MAPK8: variants seen among roughly 807,000 people sequenced by gnomAD.
The protein encoded by MAPK8 is JUN N-terminal kinase.
MAPK8 carries 13 observed loss-of-function variants against 52.9 expected under a neutral mutation model. That is an observed-to-expected ratio of 0.25 (90% CI 0.16 to 0.39). MAPK8 has a LOEUF of 0.39. MAPK8 is among the 10% of genes least tolerant of loss of function. MAPK8 has a pLI of 1.00. For missense variants in MAPK8, 300 were observed against 519.2 expected, an observed-to-expected ratio of 0.58 and a Z score of 4.10; for synonymous variants, 191 against 169.8, an observed-to-expected ratio of 1.12 and a Z score of -0.97.
intron 1 of MAPK8, among the ~76,000 whole-genome samples, chr10:48,320,304 C>T (rs371626248): frequency 5.9e-5 from 8 of 135,786 alleles, no homozygotes; most frequent in Non-Finnish European, 1.1e-4. Context: ...GTACCATGAT[C>T]GTGGCTCACT....
At chr10:48,343,696 C>T (rs970149479) in intron 1 of MAPK8, among the ~76,000 whole-genome samples, 1 of 152,096 alleles carries the variant, frequency 6.6e-6, no homozygotes, top group Admixed American at 6.5e-5. Flanking sequence ...TGTAGCTAGA[C>T]GTTGCAAGAT....
At chr10:48,413,340 T>C (rs1020389507) in intron 5 of MAPK8, among the ~76,000 whole-genome samples, 2 of 152,190 alleles carry the variant, frequency 1.3e-5, no homozygotes, top group African/African-American at 4.8e-5. Flanking sequence ...GGTCATTCTT[T>C]TTAACATTTT....
intron 1 of MAPK8, among the ~76,000 whole-genome samples, chr10:48,382,378 G>C (rs2132742616): frequency 6.6e-6 from 1 of 152,228 alleles, no homozygotes; most frequent in Non-Finnish European, 1.5e-5. Context: ...ATTAAGCTAT[G>C]AGCATTAATT....
intron 1 of MAPK8, among the ~76,000 whole-genome samples, chr10:48,318,259 G>A (rs1245132965): frequency 6.6e-6 from 1 of 152,092 alleles, no homozygotes; most frequent in Non-Finnish European, 1.5e-5. Flanking sequence ...GCCTACCCAC[G>A]GTATCAAGGA....
chr10:48,435,875 TCTA>T lies in MAPK8; in HGVS notation c.*850_*852del, dbSNP rs1173577027. On this transcript the variant is annotated 3_prime_UTR_variant, in exon 12 of 12. Transcript: ENST00000374189. ...AATGCAAATAAACAGATGGTTCACTTCTACTAGCTATGAGCCTGTTTTTGTATA... is the reference window on the plus strand; with the variant it reads ...AATGCAAATAAACAGATGGTTCACTTCTAGCTATGAGCCTGTTTTTGTATA... 1 of 152,262 alleles carries T rather than the reference TCTA, an allele frequency of 6.6e-6. No homozygotes were observed. Among genetic ancestry groups the T allele is most frequent in the Admixed American group, 6.5e-5 (1 of 15,292 alleles). The allele number at this position is 152,262 out of a possible 1,614,324, so 9.4% of individuals were successfully genotyped here.
chr10:48,337,939 C>G (rs534124519), intron 1 of MAPK8, among the ~76,000 whole-genome samples: 55 of 152,088 alleles, frequency 3.6e-4, no homozygotes, highest in African/African-American at 1.3e-3. Context: ...CGAGTTATAA[C>G]GTTGAATACA....
chr10:48,331,137 T>A (rs1056445849), intron 1 of MAPK8, among the ~76,000 whole-genome samples: 2 of 152,168 alleles, frequency 1.3e-5, no homozygotes, highest in Non-Finnish European at 2.9e-5. Flanking sequence ...CCATACATCA[T>A]CCCAGCTGGG....
intron 1 of MAPK8, among the ~76,000 whole-genome samples, chr10:48,367,809 A>G (rs1334211855): frequency 6.6e-6 from 1 of 152,216 alleles, no homozygotes; most frequent in Non-Finnish European, 1.5e-5. Context: ...ATAATGGCAT[A>G]TATTTGAACA....
chr10:48,377,501 T>G (rs1018512128), intron 1 of MAPK8, among the ~76,000 whole-genome samples: 1 of 152,112 alleles, frequency 6.6e-6, no homozygotes, highest in African/African-American at 2.4e-5. Flanking sequence ...GATGTGACTG[T>G]GGTGTGTGAG....
chr10:48,351,254 T>C (rs932199485), intron 1 of MAPK8, among the ~76,000 whole-genome samples: 1 of 148,588 alleles, frequency 6.7e-6, no homozygotes, highest in East Asian at 2.0e-4. Context: ...TTCACAGAAT[T>C]AGAAAAAATA....
At chr10:48,410,429 A>G (rs969982959) in intron 5 of MAPK8, 1 of 301,860 alleles carries the variant, frequency 3.3e-6, no homozygotes, top group South Asian at 1.6e-4. Flanking sequence ...TTTATATGAA[A>G]TACGGCGTGA....
At chr10:48,428,601 G>A (rs2043872663) in intron 10 of MAPK8, among the ~76,000 whole-genome samples, 1 of 152,180 alleles carries the variant, frequency 6.6e-6, no homozygotes, top group African/African-American at 2.4e-5. Flanking sequence ...GGAAACCCAT[G>A]GTTAGCAGAG....
chr10:48,356,012 T>C (rs2132480374), intron 1 of MAPK8, among the ~76,000 whole-genome samples: 1 of 152,304 alleles, frequency 6.6e-6, no homozygotes. Context: ...AGACAAAAAC[T>C]GAGCATTTGC....
intron 1 of MAPK8, among the ~76,000 whole-genome samples, chr10:48,328,780 A>C (rs1327849417): frequency 1.3e-5 from 2 of 152,244 alleles, no homozygotes; most frequent in African/African-American, 4.8e-5. Context: ...AAGACACTTT[A>C]ACTGTATCCA....
chr10:48,411,144 T>C (rs1198746081), intron 5 of MAPK8, among the ~76,000 whole-genome samples: 1 of 152,232 alleles, frequency 6.6e-6, no homozygotes, highest in Non-Finnish European at 1.5e-5. Context: ...TACAATTGTT[T>C]ATTTCATCAC....
intron 6 of MAPK8, among the ~76,000 whole-genome samples, chr10:48,422,614 C>G (rs746201228): frequency 4.6e-5 from 7 of 152,128 alleles, no homozygotes; most frequent in Non-Finnish European, 8.8e-5. Flanking sequence ...GTTTAACATT[C>G]TCTATAAAAT....
At chr10:48,408,019 G>A (rs940601576) in intron 3 of MAPK8, among the ~76,000 whole-genome samples, 1 of 152,034 alleles carries the variant, frequency 6.6e-6, no homozygotes, top group Non-Finnish European at 1.5e-5. Context: ...GCCCTTTCTG[G>A]TGTATTATTT....
intron 1 of MAPK8, among the ~76,000 whole-genome samples, chr10:48,337,482 T>A (rs1407271491): frequency 6.6e-6 from 1 of 152,090 alleles, no homozygotes; most frequent in Admixed American, 6.6e-5. Context: ...ATTTTAGTGC[T>A]AAATTCCTAC....
Position 48,425,964 on chromosome 10 carries a change from A to C in MAPK8, c.765A>C (p.Thr255=). The stretch of plus-strand genomic sequence containing the variant: ...AATTCATGAAGAAACTGCAACCAAC[A>C]GTAAGGACTTACGTTGAAAACAGAC... ...CPEFMKKLQP[T]VRTYVENRPK... is the part of the protein sequence containing the mutation. Residue 255 remains threonine (T), a synonymous_variant, in exon 8 of 12, where the codon ACA becomes ACC. Coordinates refer to ENST00000374189, the MANE Select transcript of MAPK8 (RefSeq NM_001323329.2). 7 of 1,613,090 alleles carry C rather than the reference A, an allele frequency of 4.3e-6. No homozygotes were observed. The highest frequency in any genetic ancestry group is 5.9e-6 in the Non-Finnish European group (7 of 1,179,288).
Sources: gnomAD v4.1 joint callset for allele counts (sites outside exome capture counted in the v4.1 genomes callset) on GRCh38, gnomAD v4.1.1 for gene constraint, MANE v1.5 for transcripts, NCBI Gene and HGNC (gene_info 2026-07-23, HGNC 2026-07-21) for gene names.